The following ST13 variants were observed in gnomAD, a reference collection of about 807,000 sequenced individuals.
ST13 encodes hsc70-interacting protein.
In ST13, 23 loss-of-function variants were observed where a neutral mutation model predicts 56.7. That is an observed-to-expected ratio of 0.41 (90% CI 0.29 to 0.57). The LOEUF (loss-of-function observed/expected upper bound fraction) is 0.57, where lower values mean the gene tolerates loss of function less well. ST13 is among the 20% of genes least tolerant of loss of function. ST13 has a pLI of 0.36. For synonymous variants in ST13, 132 were observed against 142.4 expected, an observed-to-expected ratio of 0.93 and a Z score of 0.52; for missense variants, 369 against 459.9, an observed-to-expected ratio of 0.80 and a Z score of 1.81.
intron 5 of ST13, among the ~76,000 whole-genome samples, chr22:40,836,917 G>T (rs1404286617): frequency 6.6e-6 from 1 of 152,140 alleles, no homozygotes; most frequent in African/African-American, 2.4e-5. Flanking sequence ...ACAGGCTGAA[G>T]TGATCATCCC....
In ST13 at chr22:40,835,984, T is replaced by C. The variant is rs536428038; in HGVS notation, c.383-97A>G. The C allele has an allele frequency of 5.5e-5, 54 of 982,510 alleles. No individual in the cohort carries two copies. In the South Asian group the frequency reaches 8.8e-4, roughly 16 times the overall value. 60.9% of individuals were successfully genotyped at this position (982,510 alleles called of 1,614,324 possible). A position where few individuals can be genotyped will look rare whatever the true frequency, so the allele number is the denominator to read the frequency against. The stretch of plus-strand genomic sequence containing the variant: ...TCCAGTTAAGTCTTTTACATTTTTC[T>C]TTTAATCAAGTAAAAATAAAAAAGA... On this transcript the variant is annotated intron_variant, in intron 5 of 11. Transcript: ENST00000216218.
rs1568997104 is a variant in ST13 at position 40,825,390 on chromosome 22, A to G, written c.*1148T>C. The G allele has an allele frequency of 6.6e-6, 1 of 152,194 alleles. No individual in the cohort carries two copies. Among genetic ancestry groups the G allele is most frequent in the Non-Finnish European group, 1.5e-5 (1 of 68,026 alleles). 9.4% of individuals were successfully genotyped at this position (152,194 alleles called of 1,614,324 possible). ...TACAAAGATGAATACTACAAGATAA[A>G]CTAACTGCAATAGGTTTTTCTAAGT... is the stretch of plus-strand genomic sequence containing the variant. On this transcript the variant is annotated 3_prime_UTR_variant, in exon 12 of 12. Coordinates refer to ENST00000216218, the MANE Select transcript of ST13 (RefSeq NM_003932.5).
At chr22:40,829,800 G>A in intron 9 of ST13, 126 bp from the exon 10 acceptor site, 1 of 433,228 alleles carries the variant, frequency 2.3e-6, no homozygotes, top group Non-Finnish European at 4.1e-6. Flanking sequence ...TGAACTGAAG[G>A]ATATACTTCA....
chr22:40,841,782 G>C lies in ST13; in HGVS notation c.316-1090C>G, dbSNP rs182335882. 4.1e-4 allele frequency among the ~76,000 whole-genome samples: 62 copies of C among 151,552 alleles called. 1 individual carries two copies. In the East Asian group the frequency reaches 0.012, roughly 29 times the overall value. ...TTTGCTTTTTTTTTTTTATAGAGAC[G>C]GGTTTTCATCATGCTGCCCAGGCTG... On this transcript the variant is annotated intron_variant, in intron 4 of 11. Transcript: ENST00000216218.
chr22:40,843,555 G>A (rs558608201), intron 4 of ST13, among the ~76,000 whole-genome samples: 39 of 152,246 alleles, frequency 2.6e-4, no homozygotes, highest in African/African-American at 8.9e-4. Context: ...AAGGTGAAAG[G>A]TGAGTGTATA....
At chr22:40,840,483 G>C (rs932758281) in intron 5 of ST13, 143 bp downstream of exon 5, 2 of 641,268 alleles carry the variant, frequency 3.1e-6, no homozygotes, top group African/African-American at 3.9e-5. Context: ...TTTTATCAAT[G>C]AGGAAGGGGT....
At chr22:40,850,024 G>A (rs2057853464) in intron 2 of ST13, among the ~76,000 whole-genome samples, 1 of 152,172 alleles carries the variant, frequency 6.6e-6, no homozygotes, top group African/African-American at 2.4e-5. Context: ...AGCACCTTGG[G>A]AGGCTGAGAG....
rs2057898078 is a variant in ST13, at chr22:40,856,557, G to C, written c.-17C>G. ...GGGGTCCATGGTAGGGAGGTGGTGG[G>C]CGAAACTGGGGGGGCTACGGCCCGG... On this transcript the variant is annotated 5_prime_UTR_variant, in exon 1 of 12. Coordinates refer to ENST00000216218, the MANE Select transcript of ST13 (RefSeq NM_003932.5). 1.2e-6 allele frequency: 2 copies of C among 1,603,670 alleles called. No individual in the cohort carries two copies. Among genetic ancestry groups the C allele is most frequent in the Non-Finnish European group, 8.5e-7 (1 of 1,172,762 alleles).
chr22:40,856,343 C>T, intron 1 of ST13, 88 bp downstream of exon 1: 1 of 1,189,292 alleles, frequency 8.4e-7, no homozygotes, highest in Non-Finnish European at 1.2e-6. Context: ...GACCCCGCCT[C>T]GCCCGCCGGA....
chr22:40,826,073 A>G lies in ST13; in HGVS notation c.*465T>C, dbSNP rs530484302. ...AGAAAAAGATAAAGCATTTAAAAAG[A>G]CAAGTCAAAATGCATCAGGAACCAC... On this transcript the variant is annotated 3_prime_UTR_variant, in exon 12 of 12. Transcript: ENST00000216218. The G allele has an allele frequency of 6.5e-6, 1 of 152,988 alleles. No individual in the cohort carries two copies. Among genetic ancestry groups the G allele is most frequent in the South Asian group, 2.1e-4 (1 of 4,836 alleles). 9.5% of individuals were successfully genotyped at this position (152,988 alleles called of 1,614,324 possible). A position where few individuals can be genotyped will look rare whatever the true frequency, so the allele number is the denominator to read the frequency against.
At position 40,824,642 on chromosome 22, in the gene ST13, A is replaced by G. The variant is rs529611830; in HGVS notation, c.*1896T>C. 6.6e-6 allele frequency: 1 copy of G among 152,218 alleles called. No homozygotes were observed. The highest frequency in any genetic ancestry group is 1.5e-5 in the Non-Finnish European group (1 of 68,038). The allele number at this position is 152,218 out of a possible 1,614,324, so 9.4% of individuals were successfully genotyped here. A position where few individuals can be genotyped will look rare whatever the true frequency, so the allele number is the denominator to read the frequency against. On this transcript the variant is annotated 3_prime_UTR_variant, in exon 12 of 12. Transcript: ENST00000216218. Reference sequence around the variant, plus strand: ...TTTACCCACTTATGGTAATATTTGCAATATTAGAATATAATTAGGTTAAAT... The same window carrying G: ...TTTACCCACTTATGGTAATATTTGCGATATTAGAATATAATTAGGTTAAAT...
intron 2 of ST13, among the ~76,000 whole-genome samples, chr22:40,848,836 TTTTATTGCCAAA>T (rs974992778): frequency 2.8e-4 from 42 of 152,366 alleles, no homozygotes; most frequent in African/African-American, 9.6e-4. Flanking sequence ...TCACATTATA[TTTTATTGCCAAA>T]TTTAGTAAAA....
intron 3 of ST13, among the ~76,000 whole-genome samples, chr22:40,845,998 G>A (rs1236373907): frequency 1.3e-5 from 2 of 152,046 alleles, no homozygotes; most frequent in Non-Finnish European, 2.9e-5. Context: ...GTGCAGTGGC[G>A]CAATCTTGGC....
At chr22:40,831,469 G>T (rs572532640) in intron 8 of ST13, among the ~76,000 whole-genome samples, 80 of 152,346 alleles carry the variant, frequency 5.3e-4, no homozygotes, top group African/African-American at 1.9e-3. Flanking sequence ...AGGGAAAAAT[G>T]TAAATATGTA....
intron 3 of ST13, 55 bp from the exon 4 acceptor site, chr22:40,844,964 C>T: frequency 1.6e-6 from 2 of 1,266,328 alleles, no homozygotes; most frequent in Non-Finnish European, 1.1e-6. Flanking sequence ...ATAGTAGCCA[C>T]TCCCAAGATT....
intron 2 of ST13, among the ~76,000 whole-genome samples, chr22:40,849,711 G>A (rs2057851524): frequency 6.6e-6 from 1 of 151,572 alleles, no homozygotes; most frequent in African/African-American, 2.4e-5. Flanking sequence ...AAATATCTAG[G>A]GCTCAGAAAA....
At chr22:40,843,284 C>G (rs531304757) in intron 4 of ST13, among the ~76,000 whole-genome samples, 1 of 151,964 alleles carries the variant, frequency 6.6e-6, no homozygotes, top group Non-Finnish European at 1.5e-5. Context: ...ACAATTCTAA[C>G]AAAGGGGAAA....
chr22:40,828,534 A>G (rs2057739490), intron 10 of ST13, among the ~76,000 whole-genome samples: 1 of 151,868 alleles, frequency 6.6e-6, no homozygotes, highest in African/African-American at 2.4e-5. Flanking sequence ...AATGGCGTGA[A>G]CCCGGCAGGC....
At chr22:40,836,789 AG>A (rs2057779566) in intron 5 of ST13, among the ~76,000 whole-genome samples, 1 of 152,238 alleles carries the variant, frequency 6.6e-6, no homozygotes, top group South Asian at 2.1e-4. Flanking sequence ...CTATAGAATC[AG>A]AAGAGTTCTT....
Sources: gnomAD v4.1 joint callset for allele counts (sites outside exome capture counted in the v4.1 genomes callset) on GRCh38, gnomAD v4.1.1 for gene constraint, MANE v1.5 for transcripts, NCBI Gene and HGNC (gene_info 2026-07-23, HGNC 2026-07-21) for gene names.